Variants in AGXT2 observed in about 807,000 individuals in gnomAD.
AGXT2 encodes alanine--glyoxylate aminotransferase 2, also known as alanine--glyoxylate aminotransferase 2, mitochondrial.
A neutral mutation model predicts 62.5 loss-of-function variants in AGXT2; 61 were observed. The observed-to-expected ratio is 0.98, with a 90% CI of 0.79 to 1.21. AGXT2 has a LOEUF of 1.21. AGXT2 is among the 50% of genes most tolerant of loss of function. The pLI is 0.00. For synonymous variants in AGXT2, 243 were observed against 218.7 expected, an observed-to-expected ratio of 1.11 and a Z score of -0.98; for missense variants, 666 against 641.5, an observed-to-expected ratio of 1.04 and a Z score of -0.41.
At chr5:35,003,283 C>T (rs1766299966) in intron 13 of AGXT2, among the ~76,000 whole-genome samples, 2 of 152,202 alleles carry the variant, frequency 1.3e-5, no homozygotes, top group Non-Finnish European at 2.9e-5. Context: ...GTCACCCGGG[C>T]CTGCAGGTGC....
chr5:35,039,120 A>C (rs1224624390), intron 3 of AGXT2, among the ~76,000 whole-genome samples: 1 of 152,212 alleles, frequency 6.6e-6, no homozygotes, highest in Non-Finnish European at 1.5e-5. Flanking sequence ...TGCCATGAGA[A>C]TAACAAAATC....
At position 35,000,661 on chromosome 5, in the gene AGXT2, G is replaced by A. The variant is rs527964469; in HGVS notation, c.1438-1835C>T. Among the ~76,000 whole-genome samples the A allele has an allele frequency of 8.8e-4, 134 of 152,312 alleles. 1 individual carries two copies. Among genetic ancestry groups the A allele is most frequent in the Middle Eastern group, 3.4e-3 (1 of 294 alleles). ...CTCCCAAAGTGCTGGGATCACAGGC[G>A]TGAGCCACCGTGCCCGGCCTCTCCT... On this transcript the variant is annotated intron_variant, in intron 13 of 13. Coordinates refer to ENST00000231420, the MANE Select transcript of AGXT2 (RefSeq NM_031900.4).
chr5:35,040,936 T>C (rs1258807617), intron 1 of AGXT2, among the ~76,000 whole-genome samples: 1 of 152,082 alleles, frequency 6.6e-6, no homozygotes, highest in African/African-American at 2.4e-5. Flanking sequence ...AAACTCTCCA[T>C]GTTACCCTCA....
chr5:35,042,606 A>C (rs1365994738), intron 1 of AGXT2, among the ~76,000 whole-genome samples: 1 of 152,176 alleles, frequency 6.6e-6, no homozygotes, highest in African/African-American at 2.4e-5. Context: ...ATGAAAATCT[A>C]TCTAGATAAT....
chr5:35,026,950 G>T, intron 7 of AGXT2: 1 of 984,622 alleles, frequency 1.0e-6, no homozygotes, highest in Non-Finnish European at 1.2e-6. Context: ...CCGTTTTAAA[G>T]CTACAAAGTG....
At chr5:35,029,170 A>C (rs1360921374) in intron 7 of AGXT2, among the ~76,000 whole-genome samples, 4 of 152,222 alleles carry the variant, frequency 2.6e-5, no homozygotes, top group Admixed American at 6.5e-5. Context: ...TTTGATGAGA[A>C]GAATATAGTA....
chr5:35,006,217 T>C (rs1766413771), intron 12 of AGXT2, among the ~76,000 whole-genome samples: 1 of 152,224 alleles, frequency 6.6e-6, no homozygotes, highest in Non-Finnish European at 1.5e-5. Flanking sequence ...TTATAAACAA[T>C]GCTGCAAATA....
intron 7 of AGXT2, among the ~76,000 whole-genome samples, chr5:35,030,942 C>G (rs532874873): frequency 1.3e-5 from 2 of 152,166 alleles, no homozygotes; most frequent in African/African-American, 4.8e-5. Context: ...CATGAAGTGC[C>G]GTGATGGTGT....
chr5:35,005,764 G>A (rs1381984934), intron 12 of AGXT2, among the ~76,000 whole-genome samples: 1 of 152,012 alleles, frequency 6.6e-6, no homozygotes, highest in Non-Finnish European at 1.5e-5. Context: ...CCAACTGCTT[G>A]ATAATGAAGT....
At chr5:35,014,558 T>A (rs1018541700) in intron 9 of AGXT2, among the ~76,000 whole-genome samples, 3 of 151,596 alleles carry the variant, frequency 2.0e-5, no homozygotes, top group African/African-American at 4.8e-5. Flanking sequence ...ATCATGAGCA[T>A]CCTGTAGTAT....
rs749954653 is a variant in AGXT2 at position 35,040,567 on chromosome 5, AATCTCACCTGGT to A, written c.173_177+7del. ...CTCTTTGAGTTTTCTTAAAGCCCTGAATCTCACCTGGTATCTTTCAGGCATGAAGTCACATGG... is the reference window on the plus strand; with the variant it reads ...CTCTTTGAGTTTTCTTAAAGCCCTGAATCTTTCAGGCATGAAGTCACATGG... On this transcript the variant is annotated splice_donor_variant and splice_donor_5th_base_variant and coding_sequence_variant and intron_variant, in exon 2 of 14. Transcript: ENST00000231420. LOFTEE classifies it high-confidence loss of function. The A allele has an allele frequency of 6.8e-6, 11 of 1,612,168 alleles. No homozygotes were observed. In the South Asian group the frequency reaches 1.2e-4, roughly 18 times the overall value.
chr5:35,021,658 C>T (rs990626830), intron 9 of AGXT2, among the ~76,000 whole-genome samples: 82 of 152,226 alleles, frequency 5.4e-4, no homozygotes, highest in Admixed American at 9.8e-4. Context: ...AGGACACAGG[C>T]ATGGGCAAGG....
In AGXT2 at chr5:34,998,591, C is replaced by G; in HGVS notation, c.*128G>C. 1 of 757,516 alleles carries G rather than the reference C, an allele frequency of 1.3e-6. No homozygotes were observed. The highest frequency in any genetic ancestry group is 2.3e-6 in the Non-Finnish European group (1 of 442,980). 46.9% of individuals were successfully genotyped at this position (757,516 alleles called of 1,614,324 possible). On this transcript the variant is annotated 3_prime_UTR_variant, in exon 14 of 14. Coordinates refer to ENST00000231420, the MANE Select transcript of AGXT2 (RefSeq NM_031900.4). ...ATGGTTGGTAGGCAGTCAACCATGACTTTTACAGCTCCTGTGGAGAGCTGC... is the reference window on the plus strand; with the variant it reads ...ATGGTTGGTAGGCAGTCAACCATGAGTTTTACAGCTCCTGTGGAGAGCTGC...
At chr5:35,003,950 A>C in intron 12 of AGXT2, 89 bp from the exon 13 acceptor site, 1 of 1,188,304 alleles carries the variant, frequency 8.4e-7, no homozygotes, top group Non-Finnish European at 1.2e-6. Flanking sequence ...AAAACCCTTC[A>C]GCCATCAATG....
intron 7 of AGXT2, chr5:35,026,997 C>A (rs1242861151): frequency 1.0e-6 from 1 of 985,286 alleles, no homozygotes; most frequent in Non-Finnish European, 1.2e-6. Context: ...GCTTGTAGAA[C>A]AATTAGAATT....
At chr5:35,024,317 A>G (rs1173057863) in intron 9 of AGXT2, among the ~76,000 whole-genome samples, 2 of 152,202 alleles carry the variant, frequency 1.3e-5, no homozygotes, top group African/African-American at 4.8e-5. Flanking sequence ...TGTTAGTCCA[A>G]TCATGATAGT....
intron 5 of AGXT2, among the ~76,000 whole-genome samples, chr5:35,034,947 G>C (rs528425990): frequency 7.8e-4 from 118 of 152,144 alleles, no homozygotes; most frequent in Non-Finnish European, 1.4e-3. Context: ...AAACTGTCAT[G>C]TGGGTTTCTC....
chr5:35,033,299 T>C (rs1025089556), intron 6 of AGXT2, 161 bp downstream of exon 6: 7 of 667,338 alleles, frequency 1.0e-5, no homozygotes, highest in East Asian at 2.8e-5. Flanking sequence ...GCCTTTCTAA[T>C]GGTGTCCTCA....
chr5:35,045,843 C>T, intron 1 of AGXT2, among the ~76,000 whole-genome samples: 1 of 146,630 alleles, frequency 6.8e-6, no homozygotes, highest in East Asian at 2.1e-4. Context: ...TCTCCGCTCA[C>T]TGCAAGCTCC....
Sources: gnomAD v4.1 joint callset for allele counts (sites outside exome capture counted in the v4.1 genomes callset) on GRCh38, gnomAD v4.1.1 for gene constraint, MANE v1.5 for transcripts, NCBI Gene and HGNC (gene_info 2026-07-23, HGNC 2026-07-21) for gene names.